The following BLMH variants were observed in gnomAD, a reference collection of about 807,000 sequenced individuals.
BLMH encodes the protein BLM hydrolase.
Under a neutral mutation model 61.6 loss-of-function variants are expected in BLMH, and 32 were observed. The observed-to-expected ratio is 0.52, with a 90% CI of 0.39 to 0.70. The LOEUF (loss-of-function observed/expected upper bound fraction) is 0.70. Ranked by LOEUF, BLMH falls within the 30% of genes least tolerant of loss-of-function variation. The pLI is 0.00. For synonymous variants in BLMH, 183 were observed against 193.8 expected, an observed-to-expected ratio of 0.94 and a Z score of 0.46; for missense variants, 460 against 555.5, an observed-to-expected ratio of 0.83 and a Z score of 1.73.
intron 11 of BLMH, among the ~76,000 whole-genome samples, chr17:30,259,739 T>C (rs1011802199): frequency 1.3e-5 from 2 of 152,222 alleles, no homozygotes; most frequent in Admixed American, 6.5e-5. Flanking sequence ...CCATGGCCTA[T>C]GCACGGTTCC....
Position 30,291,928 on chromosome 17 carries a change from C to T in BLMH, c.-109G>A, listed in dbSNP as rs572036864. 32 of 1,195,732 alleles carry T rather than the reference C, an allele frequency of 2.7e-5. No homozygotes were observed. The South Asian group carries it at 8.3e-4, about 31-fold the overall frequency. 74.1% of individuals were successfully genotyped at this position (1,195,732 alleles called of 1,614,324 possible). On this transcript the variant is annotated 5_prime_UTR_variant, in exon 1 of 12. Coordinates refer to ENST00000261714, the MANE Select transcript of BLMH (RefSeq NM_000386.4). ...GGGGGCCCGACCTGTCTCTCGCACC[C>T]GGAGCGCCGGAAAAAGGAAACCGGC...
intron 6 of BLMH, among the ~76,000 whole-genome samples, chr17:30,279,648 AT>A (rs1908528433): frequency 6.6e-6 from 1 of 152,044 alleles, no homozygotes; most frequent in Admixed American, 6.6e-5. Context: ...CTCTAAAAAT[AT>A]TTTCAGGCCA....
chr17:30,290,436 T>G (rs926246788), intron 2 of BLMH, among the ~76,000 whole-genome samples: 2 of 152,190 alleles, frequency 1.3e-5, no homozygotes, highest in African/African-American at 4.8e-5. Flanking sequence ...AGCAAAACAT[T>G]AATTATTGTA....
intron 7 of BLMH, 114 bp downstream of exon 7, chr17:30,273,928 G>A (rs141818163): frequency 1.3e-5 from 17 of 1,308,238 alleles, no homozygotes; most frequent in African/African-American, 9.0e-5. Context: ...AAAAATGTTT[G>A]TTTGCTGTCT....
chr17:30,272,652 A>G (rs1474636527), intron 8 of BLMH, 24 bp from the exon 9 acceptor site: 1 of 1,614,102 alleles, frequency 6.2e-7, no homozygotes, highest in Non-Finnish European at 8.5e-7. Flanking sequence ...AAAGAGGAAG[A>G]AAGTCAACAT....
intron 6 of BLMH, 54 bp downstream of exon 6, chr17:30,285,334 A>T (rs1567839226): frequency 8.1e-7 from 1 of 1,230,796 alleles, no homozygotes. Flanking sequence ...ACAGATGGGA[A>T]TATTCTGAGA....
chr17:30,282,982 T>C (rs1422163014), intron 6 of BLMH, among the ~76,000 whole-genome samples: 4 of 152,158 alleles, frequency 2.6e-5, no homozygotes, highest in East Asian at 1.9e-4. Context: ...CTGGGAAATA[T>C]AGTGAGACTG....
intron 3 of BLMH, 36 bp downstream of exon 3, chr17:30,289,337 C>T (rs373225552): frequency 2.4e-5 from 34 of 1,403,246 alleles, no homozygotes; most frequent in Non-Finnish European, 3.1e-5. Flanking sequence ...AGGCTGATAT[C>T]AATACAAAAA....
intron 9 of BLMH, 104 bp from the exon 10 acceptor site, chr17:30,271,492 T>C (rs1908270603): frequency 1.3e-6 from 1 of 788,296 alleles, no homozygotes; most frequent in African/African-American, 1.7e-5. Flanking sequence ...GCTCAACAGC[T>C]CCAAATAAAT....
At chr17:30,277,013 C>A (rs1201749533) in intron 6 of BLMH, among the ~76,000 whole-genome samples, 7 of 152,236 alleles carry the variant, frequency 4.6e-5, no homozygotes, top group Non-Finnish European at 2.9e-5. Context: ...GAGATTCACA[C>A]ACATTGCTGT....
In BLMH at chr17:30,271,130, G is replaced by A. The variant is rs952585163; in HGVS notation, c.1146+141C>T. 1.9e-5 allele frequency: 12 copies of A among 634,686 alleles called. No homozygotes were observed. In the East Asian group the frequency reaches 2.6e-4, roughly 14 times the overall value. The allele number at this position is 634,686 out of a possible 1,614,324, so 39.3% of individuals were successfully genotyped here. On this transcript the variant is annotated intron_variant, in intron 10 of 11. Transcript: ENST00000261714. The stretch of plus-strand genomic sequence containing the variant: ...AGCACGCAGCCAAGCCCCAAGTGAC[G>A]CAGGTACGATGTCTTACTTGGAAAC...
At chr17:30,250,862 G>C (rs111322807) in intron 11 of BLMH, among the ~76,000 whole-genome samples, 8,021 of 152,148 alleles carry the variant, frequency 0.053, 264 homozygotes, top group Middle Eastern at 0.078. Context: ...AGTGGATAAA[G>C]AAAATGTGAT....
intron 6 of BLMH, among the ~76,000 whole-genome samples, chr17:30,282,230 T>G (rs1175777836): frequency 2.0e-5 from 3 of 149,176 alleles, no homozygotes; most frequent in South Asian, 2.2e-4. Context: ...TTTTTTTTTT[T>G]TTTTTTTTTT....
In BLMH at chr17:30,256,678, T is replaced by A. The variant is rs377587959; in HGVS notation, c.1217-7510A>T. 3.0e-4 allele frequency among the ~76,000 whole-genome samples: 46 copies of A among 152,146 alleles called. 1 individual carries two copies. In the South Asian group the frequency reaches 9.3e-3, roughly 31 times the overall value. ...AATTTATCAATCTTTTTCTTTTGGT[T>A]TTTAACTGGTGTTATGCTTATAAAC... On this transcript the variant is annotated intron_variant, in intron 11 of 11. Coordinates refer to ENST00000261714, the MANE Select transcript of BLMH (RefSeq NM_000386.4).
chr17:30,258,563 G>A (rs1460216136), intron 11 of BLMH, among the ~76,000 whole-genome samples: 1 of 152,136 alleles, frequency 6.6e-6, no homozygotes, highest in East Asian at 1.9e-4. Context: ...CCACCACAAA[G>A]TTCAGTCAGC....
rs75022226 is a variant in BLMH at position 30,288,884 on chromosome 17, T to C, written c.321+489A>G. 5.8e-3 allele frequency among the ~76,000 whole-genome samples: 889 copies of C among 152,174 alleles called. 28 individuals carry two copies. Among genetic ancestry groups the C allele is most frequent in the Admixed American group, 0.045 (687 of 15,290 alleles). ...TGGGAGGCTGAGTTGAGAGGATGGC[T>C]TGAACCCAGGAGGCAGAGGTTACAG... On this transcript the variant is annotated intron_variant, in intron 3 of 11. Coordinates refer to ENST00000261714, the MANE Select transcript of BLMH (RefSeq NM_000386.4).
intron 7 of BLMH, 66 bp downstream of exon 7, chr17:30,273,976 C>A: frequency 1.3e-6 from 2 of 1,571,206 alleles, no homozygotes; most frequent in Non-Finnish European, 1.7e-6. Flanking sequence ...GAATCTTATA[C>A]AATTCCCTGT....
chr17:30,288,762 C>G (rs1164575446), intron 3 of BLMH, among the ~76,000 whole-genome samples: 1 of 152,056 alleles, frequency 6.6e-6, no homozygotes, highest in Non-Finnish European at 1.5e-5. Flanking sequence ...GTCAGGAGTT[C>G]GAGACCAGTC....
intron 8 of BLMH, 41 bp from the exon 9 acceptor site, chr17:30,272,669 C>T: frequency 6.2e-7 from 1 of 1,613,976 alleles, no homozygotes; most frequent in Non-Finnish European, 8.5e-7. Flanking sequence ...ACATAAACCC[C>T]ATCTTCCTAT....
Sources: allele counts gnomAD v4.1 joint callset (sites outside exome capture counted in the v4.1 genomes callset), GRCh38; gene constraint gnomAD v4.1.1; transcripts MANE v1.5; gene names NCBI Gene and HGNC (gene_info 2026-07-23, HGNC 2026-07-21).